Variants in LRP1B observed in about 807,000 individuals in gnomAD.
LRP1B encodes the protein low-density lipoprotein receptor-related protein 1B.
Under a neutral mutation model 556.6 loss-of-function variants are expected in LRP1B, and 217 were observed. The ratio of observed to expected loss-of-function variants is 0.39; its 90% CI spans 0.35 to 0.44. The LOEUF is 0.44. Ranked by LOEUF, LRP1B falls within the 20% of genes least tolerant of loss-of-function variation. The pLI is 1.00. For synonymous variants in LRP1B, 2,047 were observed against 1,865.8 expected, an observed-to-expected ratio of 1.10 and a Z score of -2.50; for missense variants, 5,053 against 5,620.8, an observed-to-expected ratio of 0.90 and a Z score of 3.23.
At chr2:141,347,239 C>G (rs1219782370) in intron 3 of LRP1B, among the ~76,000 whole-genome samples, 1 of 151,806 alleles carries the variant, frequency 6.6e-6, no homozygotes, top group African/African-American at 2.4e-5. Flanking sequence ...CTTTCTGAGT[C>G]AGGTATAAAA....
intron 20 of LRP1B, among the ~76,000 whole-genome samples, chr2:140,936,276 G>T (rs1362517786): frequency 2.2e-4 from 31 of 143,928 alleles, no homozygotes; most frequent in African/African-American, 7.7e-4. Flanking sequence ...GGAGGTGGAG[G>T]TTGCAGTGAG....
chr2:141,174,232 G>T (rs1003638311), intron 7 of LRP1B, among the ~76,000 whole-genome samples: 4 of 152,074 alleles, frequency 2.6e-5, no homozygotes, highest in African/African-American at 9.7e-5. Flanking sequence ...TCCTCATGGT[G>T]TTTCTAGTCC....
intron 2 of LRP1B, among the ~76,000 whole-genome samples, chr2:141,630,381 C>A: frequency 6.6e-6 from 1 of 152,182 alleles, no homozygotes. Flanking sequence ...AGACAAAAGT[C>A]CTCACAGGGA....
Position 141,942,409 on chromosome 2 carries a change from C to T in LRP1B, c.83-132008G>A, listed in dbSNP as rs573374873. Among the ~76,000 whole-genome samples, 438 of 151,834 alleles carry T rather than the reference C, an allele frequency of 2.9e-3. 2 individuals carry two copies. Among genetic ancestry groups the T allele is most frequent in the Non-Finnish European group, 4.6e-3 (312 of 67,964 alleles). ...CTCTTCAAAACTGGTTCTTGGTTGC[C>T]AATAATTGCACTTCCTTTCCAGTGC... On this transcript the variant is annotated intron_variant, in intron 1 of 90. Coordinates refer to ENST00000389484, the MANE Select transcript of LRP1B (RefSeq NM_018557.3).
chr2:140,761,035 G>A (rs1026754752), intron 35 of LRP1B, among the ~76,000 whole-genome samples: 7 of 152,134 alleles, frequency 4.6e-5, no homozygotes, highest in Non-Finnish European at 7.4e-5. Flanking sequence ...AAATATATAC[G>A]TGTGAATTTA....
intron 1 of LRP1B, among the ~76,000 whole-genome samples, chr2:141,955,577 C>T (rs1473666618): frequency 1.3e-5 from 2 of 152,010 alleles, no homozygotes; most frequent in Non-Finnish European, 2.9e-5. Flanking sequence ...TGGACTTCAC[C>T]AGGGGGCTTC....
chr2:140,470,134 A>G (rs1487427739), intron 60 of LRP1B, among the ~76,000 whole-genome samples: 2 of 152,220 alleles, frequency 1.3e-5, no homozygotes, highest in African/African-American at 4.8e-5. Context: ...GTAATGCTCA[A>G]GAGTATAGGT....
At chr2:141,520,367 C>T (rs1684485615) in intron 2 of LRP1B, among the ~76,000 whole-genome samples, 1 of 152,102 alleles carries the variant, frequency 6.6e-6, no homozygotes, top group Non-Finnish European at 1.5e-5. Flanking sequence ...AAACAAAAGG[C>T]CCTGACTAAA....
intron 66 of LRP1B, among the ~76,000 whole-genome samples, chr2:140,435,776 T>G (rs763046422): frequency 2.0e-4 from 31 of 152,108 alleles, no homozygotes; most frequent in Non-Finnish European, 4.1e-4. Context: ...ATGAAAAACC[T>G]AATATGTTCA....
At chr2:140,243,689 T>C (rs1172179217) in intron 87 of LRP1B, among the ~76,000 whole-genome samples, 1 of 151,210 alleles carries the variant, frequency 6.6e-6, no homozygotes, top group Non-Finnish European at 1.5e-5. Context: ...AGGCTGCCTA[T>C]CACCTTGGTC....
intron 7 of LRP1B, among the ~76,000 whole-genome samples, chr2:141,164,924 G>A (rs1368359557): frequency 1.3e-5 from 2 of 151,862 alleles, no homozygotes; most frequent in African/African-American, 4.8e-5. Flanking sequence ...TTTAATTTAT[G>A]TTTCACCAAC....
At chr2:140,314,244 A>C (rs1179036745) in intron 83 of LRP1B, among the ~76,000 whole-genome samples, 1 of 151,976 alleles carries the variant, frequency 6.6e-6, no homozygotes, top group African/African-American at 2.4e-5. Context: ...TAAATATTGG[A>C]ATTTGCAAAT....
At position 141,108,334 on chromosome 2, in the gene LRP1B, C is replaced by CTTTTTTTTT. The variant is rs60275697; in HGVS notation, c.1014-46070_1014-46062dup. On this transcript the variant is annotated intron_variant, in intron 7 of 90. Coordinates refer to ENST00000389484, the MANE Select transcript of LRP1B (RefSeq NM_018557.3). ...ACAAAAATATGTTTATAATCTGTTT[C>CTTTTTTTTT]TTTTTTTTTTTTTTTTTTTTTTTTT... Among the ~76,000 whole-genome samples the CTTTTTTTTT allele has an allele frequency of 3.7e-3, 325 of 88,468 alleles. 31 individuals carry two copies. The highest frequency in any genetic ancestry group is 0.01 in the Middle Eastern group (1 of 98). 58.0% of individuals were successfully genotyped at this position (88,468 alleles called of 152,430 possible). A position where few individuals can be genotyped will look rare whatever the true frequency, so the allele number is the denominator to read the frequency against.
In LRP1B at chr2:141,467,067, G is replaced by GAT. The variant is rs1213511465; in HGVS notation, c.343+13327_343+13328dup. On this transcript the variant is annotated intron_variant, in intron 3 of 90. Coordinates refer to ENST00000389484, the MANE Select transcript of LRP1B (RefSeq NM_018557.3). Reference sequence around the variant, plus strand: ...TATGTAGCCCTCACTGGCTCCCCAGGATATATATATACACACACACACACA... The same window carrying GAT: ...TATGTAGCCCTCACTGGCTCCCCAGGATATATATATATACACACACACACACA... Among the ~76,000 whole-genome samples, 104 of 132,986 alleles carry GAT rather than the reference G, an allele frequency of 7.8e-4. 2 individuals carry two copies. The highest frequency in any genetic ancestry group is 4.1e-3 in the Middle Eastern group (1 of 246). 87.2% of individuals were successfully genotyped at this position (132,986 alleles called of 152,430 possible). A position where few individuals can be genotyped will look rare whatever the true frequency, so the allele number is the denominator to read the frequency against.
At chr2:141,867,108 A>G (rs1698436708) in intron 1 of LRP1B, among the ~76,000 whole-genome samples, 1 of 152,188 alleles carries the variant, frequency 6.6e-6, no homozygotes, top group Admixed American at 6.5e-5. Flanking sequence ...AGATTCTTAA[A>G]GGAAATAATA....
At chr2:140,457,989 TATATAC>T (rs560686061) in intron 60 of LRP1B, among the ~76,000 whole-genome samples, 10 of 152,250 alleles carry the variant, frequency 6.6e-5, no homozygotes, top group East Asian at 3.9e-4. Context: ...TGTATGTGTG[TATATAC>T]ATATACATAT....
chr2:140,658,779 T>A (rs1173108517), intron 41 of LRP1B, among the ~76,000 whole-genome samples: 1 of 152,118 alleles, frequency 6.6e-6, no homozygotes. Context: ...TTCAGTGAAC[T>A]GGAACATGTG....
chr2:141,873,273 T>C (rs1698647666), intron 1 of LRP1B, among the ~76,000 whole-genome samples: 1 of 151,904 alleles, frequency 6.6e-6, no homozygotes, highest in Admixed American at 6.6e-5. Context: ...TTGGGCAACA[T>C]GGCAAAACCC....
chr2:141,349,880 A>G (rs994168990), intron 3 of LRP1B, among the ~76,000 whole-genome samples: 2 of 152,228 alleles, frequency 1.3e-5, no homozygotes, highest in Non-Finnish European at 1.5e-5. Context: ...TGGTTGTTGT[A>G]TTAGTCTGTT....
Sources: allele counts gnomAD v4.1 joint callset (sites outside exome capture counted in the v4.1 genomes callset), GRCh38; gene constraint gnomAD v4.1.1; transcripts MANE v1.5; gene names NCBI Gene and HGNC (gene_info 2026-07-23, HGNC 2026-07-21).